Variants in THSD7B observed in about 807,000 individuals in gnomAD.
THSD7B encodes the protein thrombospondin type 1 domain containing 7B, also known as thrombospondin type-1 domain-containing protein 7B.
In THSD7B, 138 loss-of-function variants were observed where a neutral mutation model predicts 213.6. The observed-to-expected ratio is 0.65, with a 90% CI of 0.56 to 0.74. THSD7B has a LOEUF of 0.74. Among genes scored for constraint, THSD7B ranks in the 30% least tolerant of loss-of-function variants. The pLI is 0.00. For missense variants in THSD7B, 1,931 were observed against 1,991.5 expected (o/e 0.97, Z 0.58); for synonymous variants, 742 against 687.0 (o/e 1.08, Z -1.25).
At chr2:136,955,361 C>G (rs1685106796) in intron 2 of THSD7B, among the ~76,000 whole-genome samples, 1 of 152,184 alleles carries the variant, frequency 6.6e-6, no homozygotes, top group African/African-American at 2.4e-5. Context: ...TACAAAATCA[C>G]CTAGCTAAAT....
intron 1 of THSD7B, among the ~76,000 whole-genome samples, chr2:136,846,141 G>A (rs1683006571): frequency 6.6e-6 from 1 of 152,124 alleles, no homozygotes. Flanking sequence ...GGGGTGTGGA[G>A]TCTTCCAGAT....
intron 1 of THSD7B, among the ~76,000 whole-genome samples, chr2:136,852,304 CAAACAAAACAAAACAAAACA>C (rs70975718): frequency 3.4e-5 from 5 of 148,752 alleles, no homozygotes; most frequent in Admixed American, 6.7e-5. Flanking sequence ...TGAAAGCTGG[CAAACAAAACAAAACAAAACA>C]AAACAAAACA....
At chr2:137,053,945 T>G (rs970538200) in intron 2 of THSD7B, among the ~76,000 whole-genome samples, 1 of 152,162 alleles carries the variant, frequency 6.6e-6, no homozygotes, top group African/African-American at 2.4e-5. Flanking sequence ...TGAGTAACTG[T>G]GGGAATTTTG....
At chr2:137,367,586 A>T (rs897734876) in intron 12 of THSD7B, among the ~76,000 whole-genome samples, 8 of 152,094 alleles carry the variant, frequency 5.3e-5, no homozygotes, top group African/African-American at 1.4e-4. Context: ...AAATTCTGTA[A>T]TCTTTCTAAC....
chr2:137,308,240 A>G (rs991374985), intron 12 of THSD7B, among the ~76,000 whole-genome samples: 1 of 151,970 alleles, frequency 6.6e-6, no homozygotes, highest in Admixed American at 6.6e-5. Flanking sequence ...TTTGAGGTCC[A>G]AGCAGAAAAG....
intron 2 of THSD7B, among the ~76,000 whole-genome samples, chr2:136,928,175 C>A (rs1684571991): frequency 6.6e-6 from 1 of 152,156 alleles, no homozygotes; most frequent in Admixed American, 6.6e-5. Flanking sequence ...TAGCCTTGCA[C>A]ATGTTTAGAA....
intron 12 of THSD7B, among the ~76,000 whole-genome samples, chr2:137,376,342 T>A (rs1452802512): frequency 2.0e-5 from 3 of 152,318 alleles, no homozygotes; most frequent in South Asian, 2.1e-4. Context: ...AGTACATTTT[T>A]AAAAATCTAT....
intron 8 of THSD7B, 64 bp from the exon 9 acceptor site, chr2:137,232,835 G>A: frequency 6.7e-7 from 1 of 1,485,052 alleles, no homozygotes. Context: ...CATTAAAGCA[G>A]CAGAAACAAC....
At chr2:137,357,171 T>C (rs547174573) in intron 12 of THSD7B, among the ~76,000 whole-genome samples, 63 of 152,328 alleles carry the variant, frequency 4.1e-4, no homozygotes, top group African/African-American at 1.5e-3. Context: ...AAGATTTTGG[T>C]GGGTACCAAG....
intron 15 of THSD7B, among the ~76,000 whole-genome samples, chr2:137,544,704 A>G (rs535568612): frequency 1.2e-4 from 18 of 151,772 alleles, no homozygotes; most frequent in Non-Finnish European, 2.2e-4. Context: ...TTTTTCATCA[A>G]TACCTTGTAG....
chr2:137,582,924 C>T (rs1367243582), intron 17 of THSD7B, among the ~76,000 whole-genome samples: 3 of 152,186 alleles, frequency 2.0e-5, no homozygotes, highest in African/African-American at 7.2e-5. Flanking sequence ...CACTCTCTTC[C>T]ATAATGGTTA....
intron 2 of THSD7B, among the ~76,000 whole-genome samples, chr2:137,050,964 CTT>C (rs1405839798): frequency 6.6e-6 from 1 of 152,140 alleles, no homozygotes; most frequent in African/African-American, 2.4e-5. Context: ...TATTGAGTGA[CTT>C]TGTGCATCCG....
intron 1 of THSD7B, among the ~76,000 whole-genome samples, chr2:136,879,822 T>A (rs1304741552): frequency 1.3e-5 from 2 of 152,192 alleles, no homozygotes; most frequent in Admixed American, 6.5e-5. Flanking sequence ...AATCCTAGTC[T>A]CTGATAAAAT....
intron 2 of THSD7B, among the ~76,000 whole-genome samples, chr2:136,923,584 AG>A (rs1684472507): frequency 6.6e-6 from 1 of 152,142 alleles, no homozygotes; most frequent in African/African-American, 2.4e-5. Context: ...AAATCATACA[AG>A]GGTTCCAATT....
intron 15 of THSD7B, among the ~76,000 whole-genome samples, chr2:137,529,402 G>A (rs2105177338): frequency 6.6e-6 from 1 of 152,070 alleles, no homozygotes; most frequent in African/African-American, 2.4e-5. Flanking sequence ...AAAATATAAG[G>A]GCTCTATGTG....
intron 12 of THSD7B, among the ~76,000 whole-genome samples, chr2:137,392,963 C>G (rs183843817): frequency 2.6e-5 from 4 of 151,756 alleles, no homozygotes; most frequent in East Asian, 1.9e-4. Context: ...AAATATCAAC[C>G]TTTCATTTCC....
chr2:136,996,662 A>G (rs1685896852), intron 2 of THSD7B, among the ~76,000 whole-genome samples: 2 of 152,184 alleles, frequency 1.3e-5, no homozygotes, highest in South Asian at 4.1e-4. Flanking sequence ...TTTTTAATGT[A>G]TGATTTAGAA....
intron 2 of THSD7B, among the ~76,000 whole-genome samples, chr2:136,903,115 C>T (rs981821764): frequency 4.6e-5 from 7 of 151,986 alleles, no homozygotes; most frequent in Non-Finnish European, 8.8e-5. Flanking sequence ...TGGCCCTTGC[C>T]AGATTATATA....
chr2:137,563,320 C>T lies in THSD7B; in HGVS notation c.3238C>T (p.Arg1080Cys), dbSNP rs1431031275. Residue 1080 changes from arginine to cysteine, a missense_variant, in exon 16 of 28, where the codon CGC becomes TGC. By Grantham distance (180) the Arg-to-Cys change is radical. Transcript: ENST00000409968. ...CKINNELRSL[R>C]CGGGTQSRKI... is the part of the protein sequence containing the mutation. ...AATCAACAATGAGCTGAGGTCCCTG[C>T]GCTGTGGAGGAGGAACACAATCTAG... is the stretch of plus-strand genomic sequence containing the variant. 17 of 1,613,056 alleles carry T rather than the reference C, an allele frequency of 1.1e-5. No individual in the cohort carries two copies. The highest frequency in any genetic ancestry group is 4.5e-5 in the East Asian group (2 of 44,870).
Sources: allele counts gnomAD v4.1 joint callset (sites outside exome capture counted in the v4.1 genomes callset), GRCh38; gene constraint gnomAD v4.1.1; transcripts MANE v1.5; gene names NCBI Gene and HGNC (gene_info 2026-07-23, HGNC 2026-07-21).